The following TIAM1 variants were observed in gnomAD, a reference collection of about 807,000 sequenced individuals.
TIAM1 encodes rho guanine nucleotide exchange factor TIAM1.
In TIAM1, 65 loss-of-function variants were observed where a neutral mutation model predicts 163.5. That is an observed-to-expected ratio of 0.40 (90% CI 0.33 to 0.49). The LOEUF (loss-of-function observed/expected upper bound fraction) is 0.49, where lower values mean the gene tolerates loss of function less well. TIAM1 is among the 20% of genes least tolerant of loss of function. The pLI, the probability that TIAM1 is intolerant of heterozygous loss-of-function variation, is 0.77. For missense variants in TIAM1, 1,789 were observed against 2,044.7 expected, an observed-to-expected ratio of 0.87 and a Z score of 2.41; for synonymous variants, 833 against 810.1, an observed-to-expected ratio of 1.03 and a Z score of -0.48.
chr21:31,464,061 CAAAA>C (rs1186713419), intron 1 of TIAM1: 1 of 152,050 alleles, frequency 6.6e-6, no homozygotes, highest in Non-Finnish European at 1.5e-5. Context: ...AACAAACAAA[CAAAA>C]AAACTTCTGA....
chr21:31,134,063 T>C (rs947171482), intron 23 of TIAM1, among the ~76,000 whole-genome samples: 1 of 151,632 alleles, frequency 6.6e-6, no homozygotes, highest in African/African-American at 2.4e-5. Context: ...CGAGACTCCA[T>C]CCCCCCAGAA....
At chr21:31,144,199 G>A (rs1033701306) in intron 20 of TIAM1, among the ~76,000 whole-genome samples, 1 of 152,202 alleles carries the variant, frequency 6.6e-6, no homozygotes, top group Non-Finnish European at 1.5e-5. Context: ...GGGAAGAGTG[G>A]CCGACTGGCC....
At chr21:31,127,667 C>T (rs548124279) in intron 25 of TIAM1, among the ~76,000 whole-genome samples, 4 of 152,264 alleles carry the variant, frequency 2.6e-5, no homozygotes, top group East Asian at 1.9e-4. Flanking sequence ...CCACCCGCCT[C>T]GGCCTCCCAA....
intron 16 of TIAM1, among the ~76,000 whole-genome samples, chr21:31,163,268 T>C (rs1242963505): frequency 2.6e-5 from 4 of 152,196 alleles, no homozygotes; most frequent in Non-Finnish European, 5.9e-5. Flanking sequence ...ACCCTTCAAA[T>C]TGTCTTACAT....
At chr21:31,482,469 T>C (rs978233241) in intron 1 of TIAM1, among the ~76,000 whole-genome samples, 23 of 152,200 alleles carry the variant, frequency 1.5e-4, no homozygotes, top group Middle Eastern at 3.4e-3. Flanking sequence ...AACCAGAAAT[T>C]CTGCCTTGCA....
intron 1 of TIAM1, among the ~76,000 whole-genome samples, chr21:31,482,876 G>C (rs2046159704): frequency 6.6e-6 from 1 of 152,164 alleles, no homozygotes; most frequent in Non-Finnish European, 1.5e-5. Flanking sequence ...AAGAAGAACA[G>C]ATACCATTTA....
Position 31,290,623 on chromosome 21 carries a change from G to A in TIAM1, c.-188-13715C>T, listed in dbSNP as rs566042186. Among the ~76,000 whole-genome samples, 146 of 126,638 alleles carry A rather than the reference G, an allele frequency of 1.2e-3. 1 individual carries two copies. The highest frequency in any genetic ancestry group is 2.2e-3 in the Admixed American group (25 of 11,130). The allele number at this position is 126,638 out of a possible 152,430, so 83.1% of individuals were successfully genotyped here. ...GGTTGCCCCACTGCACTCCGGCCCC[G>A]GTAACAGAGCAAGACTCTATCTCAA... On this transcript the variant is annotated intron_variant, in intron 2 of 27. Coordinates refer to ENST00000541036, the MANE Select transcript of TIAM1 (RefSeq NM_001353694.2).
chr21:31,417,315 C>A (rs2043405984), intron 2 of TIAM1, among the ~76,000 whole-genome samples: 1 of 152,178 alleles, frequency 6.6e-6, no homozygotes, highest in South Asian at 2.1e-4. Context: ...AGCCACTGTG[C>A]CTGGCCAACT....
chr21:31,386,947 G>A (rs973641128), intron 2 of TIAM1, among the ~76,000 whole-genome samples: 1 of 152,156 alleles, frequency 6.6e-6, no homozygotes, highest in African/African-American at 2.4e-5. Flanking sequence ...GACGTCCTGA[G>A]CTTTATCTGC....
At chr21:31,210,580 AAGAAAGAAAGAAAGAGAG>A (rs1419002489) in intron 10 of TIAM1, among the ~76,000 whole-genome samples, 6 of 122,212 alleles carry the variant, frequency 4.9e-5, no homozygotes, top group African/African-American at 2.5e-4. Flanking sequence ...GAAAGAAAGA[AAGAAAGAAAGAAAGAGAG>A]AAAGAAGGAA....
chr21:31,281,115 C>CA (rs1219465174), intron 2 of TIAM1, among the ~76,000 whole-genome samples: 1 of 125,124 alleles, frequency 8.0e-6, no homozygotes, highest in Non-Finnish European at 1.7e-5. Context: ...AAAACAACGA[C>CA]AAAAAAACAC....
At chr21:31,145,802 T>A (rs1369405822) in intron 20 of TIAM1, among the ~76,000 whole-genome samples, 1 of 152,212 alleles carries the variant, frequency 6.6e-6, no homozygotes, top group East Asian at 1.9e-4. Flanking sequence ...CCTCACTTAA[T>A]GTAGTCAGTA....
At chr21:31,536,865 T>A (rs1242511691) in intron 1 of TIAM1, among the ~76,000 whole-genome samples, 1 of 152,172 alleles carries the variant, frequency 6.6e-6, no homozygotes, top group African/African-American at 2.4e-5. Flanking sequence ...CAGGAGGCCA[T>A]GTTCAGGAGA....
At chr21:31,269,583 T>C (rs182016643) in intron 3 of TIAM1, among the ~76,000 whole-genome samples, 367 of 152,158 alleles carry the variant, frequency 2.4e-3, no homozygotes, top group African/African-American at 8.3e-3. Flanking sequence ...AAATTGCTCA[T>C]TGCATACAGG....
At chr21:31,273,218 C>A (rs2073141668) in intron 3 of TIAM1, among the ~76,000 whole-genome samples, 1 of 152,146 alleles carries the variant, frequency 6.6e-6, no homozygotes, top group Non-Finnish European at 1.5e-5. Flanking sequence ...GAAGCTATGG[C>A]ACAGGCAACA....
At chr21:31,506,712 G>A (rs1167427780) in intron 1 of TIAM1, among the ~76,000 whole-genome samples, 1 of 152,168 alleles carries the variant, frequency 6.6e-6, no homozygotes, top group Non-Finnish European at 1.5e-5. Flanking sequence ...AAGGTCAGGA[G>A]TTCAAGACCA....
At chr21:31,351,387 A>C (rs1270468770) in intron 2 of TIAM1, among the ~76,000 whole-genome samples, 1 of 152,228 alleles carries the variant, frequency 6.6e-6, no homozygotes, top group Non-Finnish European at 1.5e-5. Context: ...CATAAAATGA[A>C]CATTCAATGC....
Position 31,488,229 on chromosome 21 carries a change from G to A in TIAM1, c.-421-24194C>T, listed in dbSNP as rs879643733. Among the ~76,000 whole-genome samples the A allele has an allele frequency of 1.8e-4, 27 of 152,178 alleles. 1 individual carries two copies. The highest frequency in any genetic ancestry group is 8.5e-4 in the Admixed American group (13 of 15,284). ...GCTGGGCACAGGACTGAGTACTCCA[G>A]GGAGCTTTACAATTGGTCCTCATAG... On this transcript the variant is annotated intron_variant, in intron 1 of 28. Transcript: ENST00000286827.
intron 6 of TIAM1, among the ~76,000 whole-genome samples, chr21:31,235,207 A>C (rs964190494): frequency 1.3e-5 from 2 of 152,212 alleles, no homozygotes; most frequent in Non-Finnish European, 2.9e-5. Flanking sequence ...CTGGAGATTT[A>C]GAAAATATCA....
Sources: gnomAD v4.1 joint callset for allele counts (sites outside exome capture counted in the v4.1 genomes callset) on GRCh38, gnomAD v4.1.1 for gene constraint, MANE v1.5 for transcripts, NCBI Gene and HGNC (gene_info 2026-07-23, HGNC 2026-07-21) for gene names.